Variants in MAP2 observed in about 807,000 individuals in gnomAD.
MAP2 encodes the protein microtubule-associated protein 2.
In MAP2, 14 loss-of-function variants were observed where a neutral mutation model predicts 137.6. The ratio of observed to expected loss-of-function variants is 0.10; its 90% CI spans 0.07 to 0.16. MAP2 has a LOEUF of 0.16. MAP2 is among the 10% of genes least tolerant of loss of function. The probability of loss-of-function intolerance (pLI) is 1.00; values close to 1 mark genes in which losing one functional copy is unlikely to be tolerated. For missense variants in MAP2, 2,088 were observed against 2,191.5 expected (o/e 0.95, Z 0.94); for synonymous variants, 786 against 782.3 (o/e 1.00, Z -0.08).
chr2:209,695,592 C>T lies in MAP2; in HGVS notation c.3422C>T (p.Thr1141Ile). 4.3e-6 allele frequency: 7 copies of T among 1,613,932 alleles called. No individual in the cohort carries two copies. Among genetic ancestry groups the T allele is most frequent in the Non-Finnish European group, 5.9e-6 (7 of 1,179,912 alleles). Residue 1141 changes from threonine (T) to isoleucine (I), a missense_variant, in exon 8 of 16, where the codon ACC (threonine) becomes ATC (isoleucine). Around this residue, in one of 6 missense-constraint regions of MAP2, gnomAD observed 8 missense variants for 28.8 expected, o/e 0.28. Transcript: ENST00000682079. ...TCTAGTGGTGAGCATGAAAGTCTCA[C>T]CATGGAGTCCTTGAAAGCTGATGAG... ...YESSGEHESL[T>I]MESLKADEGK...
chr2:209,696,856 G>C (rs1045217555), intron 9 of MAP2, 61 bp from the exon 10 acceptor site: 1 of 1,563,454 alleles, frequency 6.4e-7, no homozygotes, highest in Non-Finnish European at 8.6e-7. Flanking sequence ...ATTTCGTTCG[G>C]TTTTGCTCCA....
intron 1 of MAP2, among the ~76,000 whole-genome samples, chr2:209,436,213 A>T (rs1349437951): frequency 6.6e-6 from 1 of 151,130 alleles, no homozygotes; most frequent in Non-Finnish European, 1.5e-5. Flanking sequence ...CTTTCAGAAG[A>T]TTACAAACAC....
At chr2:209,460,207 G>A (rs745885669) in intron 1 of MAP2, among the ~76,000 whole-genome samples, 6 of 152,118 alleles carry the variant, frequency 3.9e-5, no homozygotes, top group African/African-American at 7.2e-5. Context: ...TGGAATTATC[G>A]TTTTCATGAA....
chr2:209,434,192 G>A (rs1695081230), intron 1 of MAP2, among the ~76,000 whole-genome samples: 1 of 151,986 alleles, frequency 6.6e-6, no homozygotes, highest in African/African-American at 2.4e-5. Flanking sequence ...TATGGACTTA[G>A]TGTAATGCTC....
intron 1 of MAP2, among the ~76,000 whole-genome samples, chr2:209,496,971 AGTGGTCTCTCTAT>A (rs2059822695): frequency 1.3e-5 from 2 of 151,956 alleles, no homozygotes; most frequent in African/African-American, 4.8e-5. Flanking sequence ...TTGTTTTTGT[AGTGGTCTCTCTAT>A]GTCGCTTATG....
chr2:209,653,536 T>A, intron 5 of MAP2, 104 bp downstream of exon 5: 1 of 1,193,044 alleles, frequency 8.4e-7, no homozygotes. Context: ...TCACTAGTGC[T>A]AGGACTGAAA....
intron 4 of MAP2, among the ~76,000 whole-genome samples, chr2:209,626,093 A>C (rs1331534118): frequency 1.3e-5 from 2 of 152,096 alleles, no homozygotes; most frequent in Non-Finnish European, 1.5e-5. Context: ...TTAAGCAAGA[A>C]AATTTATAAG....
chr2:209,494,682 T>TA (rs1346507136), intron 1 of MAP2, among the ~76,000 whole-genome samples: 1 of 152,118 alleles, frequency 6.6e-6, no homozygotes, highest in East Asian at 1.9e-4. Context: ...GCCTATGGAG[T>TA]AGCTATTCTT....
intron 2 of MAP2, among the ~76,000 whole-genome samples, chr2:209,536,275 ATAT>A (rs2065932994): frequency 6.6e-6 from 1 of 152,144 alleles, no homozygotes; most frequent in South Asian, 2.1e-4. Flanking sequence ...TAACACTGTC[ATAT>A]TATTATTATT....
intron 4 of MAP2, among the ~76,000 whole-genome samples, chr2:209,629,183 C>T (rs2092723729): frequency 6.6e-6 from 1 of 152,088 alleles, no homozygotes; most frequent in Non-Finnish European, 1.5e-5. Context: ...ATTTATTATT[C>T]CTTGCAGTCT....
intron 4 of MAP2, among the ~76,000 whole-genome samples, chr2:209,643,871 A>T (rs1184886253): frequency 6.6e-6 from 1 of 152,224 alleles, no homozygotes; most frequent in Non-Finnish European, 1.5e-5. Context: ...TGAAAGACCC[A>T]ACTTCTATTT....
chr2:209,658,513 A>T (rs11891360), intron 5 of MAP2, among the ~76,000 whole-genome samples: 4,999 of 148,924 alleles, frequency 0.034, 268 homozygotes, highest in African/African-American at 0.11. Context: ...TATTATTACT[A>T]TTTTTTTTTT....
intron 1 of MAP2, among the ~76,000 whole-genome samples, chr2:209,461,579 C>T (rs1032304552): frequency 6.6e-6 from 1 of 152,132 alleles, no homozygotes; most frequent in African/African-American, 2.4e-5. Context: ...CCTCAGCCTC[C>T]TGAGTAGCTG....
intron 5 of MAP2, among the ~76,000 whole-genome samples, chr2:209,671,606 G>C (rs927659202): frequency 2.0e-5 from 3 of 151,804 alleles, no homozygotes; most frequent in Admixed American, 6.6e-5. Flanking sequence ...CAAGCGTACG[G>C]TAAGCTTATT....
At chr2:209,673,559 AT>A (rs2049869195) in intron 5 of MAP2, among the ~76,000 whole-genome samples, 1 of 151,860 alleles carries the variant, frequency 6.6e-6, no homozygotes, top group South Asian at 2.1e-4. Flanking sequence ...AAACTAAAAA[AT>A]GTCCAGTGCC....
rs1209603444 is a variant in MAP2, at chr2:209,470,433, T to C, written c.-221-37159T>C. Among the ~76,000 whole-genome samples, 3 of 151,366 alleles carry C rather than the reference T, an allele frequency of 2.0e-5. No individual in the cohort carries two copies. The East Asian group carries it at 5.8e-4, about 29-fold the overall frequency. ...CCTCTCACAGACTTCTCTTCTGCCT[T>C]ACTTAGAGGGGAAATTAAGTAAAAA... is the stretch of plus-strand genomic sequence containing the variant. On this transcript the variant is annotated intron_variant, in intron 1 of 15. Coordinates refer to ENST00000682079, the MANE Select transcript of MAP2 (RefSeq NM_001375505.1).
intron 1 of MAP2, among the ~76,000 whole-genome samples, chr2:209,439,700 A>G (rs1697281588): frequency 6.6e-6 from 1 of 151,544 alleles, no homozygotes. Flanking sequence ...AGAGATGCAT[A>G]TCACTTATTG....
chr2:209,646,249 C>G (rs919545135), intron 4 of MAP2, among the ~76,000 whole-genome samples: 1 of 152,056 alleles, frequency 6.6e-6, no homozygotes, highest in African/African-American at 2.4e-5. Flanking sequence ...TATAGGTTAT[C>G]TTATTTCTAA....
chr2:209,474,687 C>A (rs1706723829), intron 1 of MAP2, among the ~76,000 whole-genome samples: 1 of 151,972 alleles, frequency 6.6e-6, no homozygotes, highest in Non-Finnish European at 1.5e-5. Flanking sequence ...TATTACACCA[C>A]AAATACTAGG....
Sources: allele counts gnomAD v4.1 joint callset (sites outside exome capture counted in the v4.1 genomes callset), GRCh38; gene constraint gnomAD v4.1.1; regional missense constraint gnomAD v4.1.1; transcripts MANE v1.5; gene names NCBI Gene and HGNC (gene_info 2026-07-23, HGNC 2026-07-21).